PLAGL1: variants seen among roughly 807,000 people sequenced by gnomAD.
PLAGL1 encodes zinc finger protein PLAGL1.
A neutral mutation model predicts 4.6 loss-of-function variants in PLAGL1; 1 was observed. The observed-to-expected ratio is 0.22, with a 90% CI of 0.08 to 1.03. The LOEUF is 1.03. Among genes scored for constraint, PLAGL1 ranks in the 50% least tolerant of loss-of-function variants. The probability of loss-of-function intolerance (pLI) is 0.58; values close to 1 mark genes in which losing one functional copy is unlikely to be tolerated. For synonymous variants in PLAGL1, 240 were observed against 237.8 expected (o/e 1.01, Z -0.08); for missense variants, 464 against 570.4 (o/e 0.81, Z 1.90).
At chr6:144,024,494 A>G (rs1274461510) in intron 1 of PLAGL1, among the ~76,000 whole-genome samples, 1 of 152,066 alleles carries the variant, frequency 6.6e-6, no homozygotes, top group Non-Finnish European at 1.5e-5. Flanking sequence ...TATAAATGGG[A>G]GTTCTCTGTA....
chr6:143,948,110 A>G lies in PLAGL1; in HGVS notation c.27T>C (p.Cys9=), dbSNP rs1342030198. ...TCTCCAGGGTGAGGAACGTCTTGCC[A>G]CATAACTGGCAGGGGAACGTGGCCA... MATFPCQL[C]GKTFLTLEKF... Residue 9 remains cysteine (C), a synonymous_variant, in exon 7 of 8, where the codon TGT becomes TGC. Coordinates refer to ENST00000674357, the MANE Select transcript of PLAGL1 (RefSeq NM_001317162.2). The surrounding 1 kb of genome is among the most constrained non-coding windows in gnomAD (Gnocchi z 6.0). 6.2e-7 allele frequency: 1 copy of G among 1,613,876 alleles called. No individual in the cohort carries two copies. The highest frequency in any genetic ancestry group is 1.1e-5 in the South Asian group (1 of 91,060).
rs35283947 is a variant in PLAGL1, at chr6:144,036,668, T to A, written c.-151+27800A>T. On this transcript the variant is annotated intron_variant, in intron 1 of 3. Transcript: ENST00000437412. This position sits in a 1 kb window ranked among gnomAD's most constrained non-coding sequence, Gnocchi z 5.1. ...TTTTTGTTTTGTTTGTTTTAACTTGTGAGGCTTCTTCACTACTCAGGGACG... is the reference window on the plus strand; with the variant it reads ...TTTTTGTTTTGTTTGTTTTAACTTGAGAGGCTTCTTCACTACTCAGGGACG... The A allele has an allele frequency of 0.11, 25,025 of 219,876 alleles. 1,686 individuals carry two copies. Among genetic ancestry groups the A allele is most frequent in the East Asian group, 0.14 (883 of 6,126 alleles). The allele number at this position is 219,876 out of a possible 1,614,324, so 13.6% of individuals were successfully genotyped here.
At chr6:144,001,273 A>G (rs1792816923) in intron 1 of PLAGL1, among the ~76,000 whole-genome samples, 1 of 152,204 alleles carries the variant, frequency 6.6e-6, no homozygotes, top group African/African-American at 2.4e-5. Flanking sequence ...AATTTAAGCA[A>G]TATAAAAATG....
Position 143,985,943 on chromosome 6 carries a change from T to C in PLAGL1, c.-583-769A>G, listed in dbSNP as rs1788952011. ...TATACACACACATATATATAAAAGA[T>C]ATATATACACATATATATCAAATTA... On this transcript the variant is annotated intron_variant, in intron 1 of 7. Coordinates refer to ENST00000674357, the MANE Select transcript of PLAGL1 (RefSeq NM_001317162.2). The surrounding 1 kb of genome is among the most constrained non-coding windows in gnomAD (Gnocchi z 4.4). 7.0e-6 allele frequency among the ~76,000 whole-genome samples: 1 copy of C among 143,226 alleles called. No homozygotes were observed. The highest frequency in any genetic ancestry group is 1.5e-5 in the Non-Finnish European group (1 of 66,336). The allele number at this position is 143,226 out of a possible 152,430, so 94.0% of individuals were successfully genotyped here.
In PLAGL1 at chr6:144,034,157, T is replaced by G. The variant is rs1195558557; in HGVS notation, c.-151+30311A>C. Reference sequence around the variant, plus strand: ...GAAAAGAATGACCTGTGTTTACATGTAAAACCACGTTGTTGGAGGAGGGGG... The same window carrying G: ...GAAAAGAATGACCTGTGTTTACATGGAAAACCACGTTGTTGGAGGAGGGGG... On this transcript the variant is annotated intron_variant, in intron 1 of 3. Coordinates refer to the PLAGL1 transcript ENST00000437412. The surrounding 1 kb of genome is among the most constrained non-coding windows in gnomAD (Gnocchi z 4.7). 6.6e-6 allele frequency among the ~76,000 whole-genome samples: 1 copy of G among 152,218 alleles called. No homozygotes were observed. Among genetic ancestry groups the G allele is most frequent in the African/African-American group, 2.4e-5 (1 of 41,446 alleles).
rs932537444 is a variant in PLAGL1, at chr6:143,955,859, A to G, written c.-325+4610T>C. On this transcript the variant is annotated intron_variant, in intron 6 of 7. Transcript: ENST00000674357. This position sits in a 1 kb window ranked among gnomAD's most constrained non-coding sequence, Gnocchi z 4.9. ...AGGAGAGAGGGCAGGTTCCAGTGACACTCTGTAAACAGAATAACTGGATTA... is the reference window on the plus strand; with the variant it reads ...AGGAGAGAGGGCAGGTTCCAGTGACGCTCTGTAAACAGAATAACTGGATTA... Among the ~76,000 whole-genome samples, 15 of 152,130 alleles carry G rather than the reference A, an allele frequency of 9.9e-5. No individual in the cohort carries two copies. Among genetic ancestry groups the G allele is most frequent in the Admixed American group, 9.2e-4 (14 of 15,282 alleles).
chr6:144,043,168 C>T (rs915837594), intron 1 of PLAGL1, among the ~76,000 whole-genome samples: 5 of 152,296 alleles, frequency 3.3e-5, no homozygotes, highest in Admixed American at 1.3e-4. Context: ...CCCTTTATTT[C>T]TTTCTTTTGC....
At chr6:144,062,407 T>A (rs1207025264) in intron 1 of PLAGL1, among the ~76,000 whole-genome samples, 2 of 133,702 alleles carry the variant, frequency 1.5e-5, no homozygotes, top group African/African-American at 5.8e-5. Context: ...AGAGACATCA[T>A]GAAACAAAGT....
intron 2 of PLAGL1, among the ~76,000 whole-genome samples, chr6:143,980,223 TTAACTTAGA>T (rs1348169406): frequency 6.6e-6 from 1 of 152,120 alleles, no homozygotes; most frequent in Admixed American, 6.6e-5. Context: ...TGATATTTAT[TTAACTTAGA>T]TTTGTGGATT....
Position 143,995,993 on chromosome 6 carries a change from C to T in PLAGL1, c.-583-10819G>A, listed in dbSNP as rs1038241017. Among the ~76,000 whole-genome samples the T allele has an allele frequency of 1.3e-5, 2 of 152,202 alleles. No homozygotes were observed. Among genetic ancestry groups the T allele is most frequent in the Non-Finnish European group, 2.9e-5 (2 of 68,038 alleles). ...GGATAAAGGATGGTCAGGAGCTCAA[C>T]CAAAACCAAAAACGGTTTAACCTGG... On this transcript the variant is annotated intron_variant, in intron 1 of 7. Transcript: ENST00000674357. The surrounding 1 kb of genome is among the most constrained non-coding windows in gnomAD (Gnocchi z 4.4).
chr6:144,058,885 G>A (rs898302599), intron 1 of PLAGL1, among the ~76,000 whole-genome samples: 3 of 152,150 alleles, frequency 2.0e-5, no homozygotes, highest in African/African-American at 7.2e-5. Context: ...CTGGAGTTGA[G>A]TGTCTGCATC....
At chr6:143,977,445 T>A (rs989462203) in intron 2 of PLAGL1, among the ~76,000 whole-genome samples, 2 of 149,434 alleles carry the variant, frequency 1.3e-5, no homozygotes, top group South Asian at 2.1e-4. Context: ...ACTTCTTTTT[T>A]TTTTATTTTT....
intron 1 of PLAGL1, among the ~76,000 whole-genome samples, chr6:143,993,374 G>T (rs1790953690): frequency 9.3e-6 from 1 of 107,204 alleles, no homozygotes; most frequent in African/African-American, 3.3e-5. Context: ...ACACACAATT[G>T]ACATGTGTAT....
At chr6:144,007,661 A>C (rs1249224853) in intron 1 of PLAGL1, 1 of 152,220 alleles carries the variant, frequency 6.6e-6, no homozygotes, top group African/African-American at 2.4e-5. Context: ...TGTAATACTA[A>C]AGCATCAAAA....
Position 143,982,144 on chromosome 6 carries a change from T to C in PLAGL1, c.-544+2991A>G, listed in dbSNP as rs970564373. Reference sequence around the variant, plus strand: ...CCCATAACAAAGCTCAAGTAAAATATGTATCAGATGGTGATTTTAAAAAAA... The same window carrying C: ...CCCATAACAAAGCTCAAGTAAAATACGTATCAGATGGTGATTTTAAAAAAA... On this transcript the variant is annotated intron_variant, in intron 2 of 7. Coordinates refer to ENST00000674357, the MANE Select transcript of PLAGL1 (RefSeq NM_001317162.2). This position sits in a 1 kb window ranked among gnomAD's most constrained non-coding sequence, Gnocchi z 5.3. Among the ~76,000 whole-genome samples, 6 of 151,972 alleles carry C rather than the reference T, an allele frequency of 3.9e-5. No individual in the cohort carries two copies. Among genetic ancestry groups the C allele is most frequent in the African/African-American group, 7.3e-5 (3 of 41,344 alleles).
Position 143,958,584 on chromosome 6 carries a change from A to AT in PLAGL1, c.-325+1884dup, listed in dbSNP as rs1782675108. ...CACAATTATTTCAAGAAGCTTGAGA[A>AT]TTTTCTCTTTGCCTTTCCATGTCAT... On this transcript the variant is annotated intron_variant, in intron 6 of 7. Coordinates refer to ENST00000674357, the MANE Select transcript of PLAGL1 (RefSeq NM_001317162.2). This position sits in a 1 kb window ranked among gnomAD's most constrained non-coding sequence, Gnocchi z 5.1. Among the ~76,000 whole-genome samples, 2 of 152,162 alleles carry AT rather than the reference A, an allele frequency of 1.3e-5. No individual in the cohort carries two copies. Among genetic ancestry groups the AT allele is most frequent in the African/African-American group, 4.8e-5 (2 of 41,444 alleles).
chr6:143,987,310 T>C (rs1324759453), intron 1 of PLAGL1, among the ~76,000 whole-genome samples: 1 of 151,886 alleles, frequency 6.6e-6, no homozygotes, highest in African/African-American at 2.4e-5. Flanking sequence ...GCTTAATTGA[T>C]CCTCCCACCT....
intron 1 of PLAGL1, among the ~76,000 whole-genome samples, chr6:144,052,051 C>A (rs916228246): frequency 1.3e-5 from 2 of 152,142 alleles, no homozygotes; most frequent in African/African-American, 4.8e-5. Flanking sequence ...TTTCATTTTA[C>A]CAAATTAAAA....
Position 144,063,267 on chromosome 6 carries a change from C to A in PLAGL1, c.-151+1201G>T, listed in dbSNP as rs2223498. On this transcript the variant is annotated intron_variant, in intron 1 of 3. Transcript: ENST00000437412. The surrounding 1 kb of genome is among the most constrained non-coding windows in gnomAD (Gnocchi z 5.7). ...CCCTATTTCACCTCTATTACAAGTT[C>A]TCTGGGGCCACTTTACAGATGATAA... Among the ~76,000 whole-genome samples the A allele has an allele frequency of 6.6e-6, 1 of 152,090 alleles. No homozygotes were observed. Among genetic ancestry groups the A allele is most frequent in the Non-Finnish European group, 1.5e-5 (1 of 68,010 alleles).
Sources: gnomAD v4.1 joint callset for allele counts (sites outside exome capture counted in the v4.1 genomes callset) on GRCh38, gnomAD v4.1.1 for gene constraint, Gnocchi (gnomAD v3.1) non-coding constraint, MANE v1.5 for transcripts, NCBI Gene and HGNC (gene_info 2026-07-23, HGNC 2026-07-21) for gene names.